Variants in FLNB observed in about 807,000 individuals in gnomAD.
FLNB encodes filamin-B.
FLNB carries 111 observed loss-of-function variants against 250.6 expected under a neutral mutation model. The observed-to-expected ratio is 0.44, with a 90% CI of 0.38 to 0.52. The LOEUF (loss-of-function observed/expected upper bound fraction) is 0.52. Among genes scored for constraint, FLNB ranks in the 20% least tolerant of loss-of-function variants. The pLI, the probability that FLNB is intolerant of heterozygous loss-of-function variation, is 0.00. For missense variants in FLNB, 2,869 were observed against 3,447.8 expected, an observed-to-expected ratio of 0.83 and a Z score of 4.20; for synonymous variants, 1,302 against 1,372.1, an observed-to-expected ratio of 0.95 and a Z score of 1.13.
At chr3:58,118,194 G>T (rs188343097) in intron 18 of FLNB, among the ~76,000 whole-genome samples, 1 of 152,342 alleles carries the variant, frequency 6.6e-6, no homozygotes, top group Non-Finnish European at 1.5e-5. Flanking sequence ...AATCCTGCAA[G>T]CACCATCTGC....
rs999742406 is a variant in FLNB, at chr3:58,106,689, T to C, written c.1757T>C (p.Ile586Thr). Reference sequence around the variant, plus strand: ...CACCTCCACCCCCTAGGGTTTGCCATTGAAGGCCCCTCTCAGGCAAAGATT... The same window carrying C: ...CACCTCCACCCCCTAGGGTTTGCCACTGAAGGCCCCTCTCAGGCAAAGATT... Reference protein sequence around the residue: ...GSEVGSLGFAIEGPSQAKIEY... With the variant: ...GSEVGSLGFATEGPSQAKIEY... Residue 586 changes from isoleucine to threonine, a missense_variant, in exon 12 of 46, where the codon ATT becomes ACT. By Grantham distance (89) the Ile-to-Thr change is moderately conservative. Transcript: ENST00000295956. 6.2e-7 allele frequency: 1 copy of C among 1,614,130 alleles called. No homozygotes were observed.
rs781073886 is a variant in FLNB at position 58,121,236 on chromosome 3, T to C, written c.2864-5T>C. 6 of 1,614,190 alleles carry C rather than the reference T, an allele frequency of 3.7e-6. No homozygotes were observed. The highest frequency in any genetic ancestry group is 3.3e-5 in the South Asian group (3 of 91,076). On this transcript the variant is annotated splice_polypyrimidine_tract_variant and splice_region_variant and intron_variant, in intron 19 of 45. Transcript: ENST00000295956. ...TCTTCACCTCAGCTTGTGTTTCTTT[T>C]CCAGGGGTGGAAGTTGGGAAGGATC...
intron 1 of FLNB, among the ~76,000 whole-genome samples, chr3:58,032,040 C>T (rs969098547): frequency 2.6e-5 from 4 of 152,054 alleles, no homozygotes; most frequent in Non-Finnish European, 5.9e-5. Flanking sequence ...GCCATCCTCC[C>T]ACTTCAGCCT....
intron 32 of FLNB, among the ~76,000 whole-genome samples, chr3:58,144,759 C>T (rs551764975): frequency 1.3e-5 from 2 of 152,226 alleles, no homozygotes; most frequent in Non-Finnish European, 2.9e-5. Context: ...CAAAATTTGC[C>T]AGTAGAATAT....
chr3:58,099,491 T>G (rs911217788), intron 8 of FLNB, among the ~76,000 whole-genome samples: 2 of 152,230 alleles, frequency 1.3e-5, no homozygotes, highest in Non-Finnish European at 2.9e-5. Context: ...GGGGTACGCA[T>G]TTTTCTCAAA....
chr3:58,027,304 C>A (rs1344691020), intron 1 of FLNB, among the ~76,000 whole-genome samples: 1 of 141,754 alleles, frequency 7.1e-6, no homozygotes, highest in East Asian at 2.1e-4. Context: ...AGGCGTGCAC[C>A]ACTATGCCCA....
At position 58,142,532 on chromosome 3, in the gene FLNB, G is replaced by A. The variant is rs934891768; in HGVS notation, c.5182-118G>A. On this transcript the variant is annotated intron_variant, in intron 30 of 45. Transcript: ENST00000295956. This position sits in a 1 kb window ranked among gnomAD's most constrained non-coding sequence, Gnocchi z 4.3. ...AAAGCCCATACCACAATGGGCAGCCGCATTCCCAAATCCCGGCCTCACTGG... is the reference window on the plus strand; with the variant it reads ...AAAGCCCATACCACAATGGGCAGCCACATTCCCAAATCCCGGCCTCACTGG... 2.3e-5 allele frequency: 20 copies of A among 852,624 alleles called. No homozygotes were observed. Among genetic ancestry groups the A allele is most frequent in the Middle Eastern group, 3.3e-4 (1 of 3,032 alleles). The allele number at this position is 852,624 out of a possible 1,614,324, so 52.8% of individuals were successfully genotyped here. A position where few individuals can be genotyped will look rare whatever the true frequency, so the allele number is the denominator to read the frequency against.
chr3:58,057,704 G>GT (rs574041459), intron 1 of FLNB, among the ~76,000 whole-genome samples: 61 of 152,310 alleles, frequency 4.0e-4, no homozygotes, highest in Middle Eastern at 3.4e-3. Flanking sequence ...GTAATTATTT[G>GT]TTGATTAGTG....
intron 1 of FLNB, among the ~76,000 whole-genome samples, chr3:58,023,640 T>C (rs748810818): frequency 6.6e-6 from 1 of 152,220 alleles, no homozygotes; most frequent in Non-Finnish European, 1.5e-5. Context: ...ATTTTGGTCA[T>C]ACTGATGGTT....
At chr3:58,088,056 T>C (rs906436838) in intron 4 of FLNB, among the ~76,000 whole-genome samples, 3 of 148,850 alleles carry the variant, frequency 2.0e-5, no homozygotes, top group Admixed American at 1.3e-4. Flanking sequence ...TTTTTTTTTT[T>C]TTTTGCTGAA....
At chr3:58,147,398 G>A (rs1205106188) in intron 34 of FLNB, among the ~76,000 whole-genome samples, 1 of 152,224 alleles carries the variant, frequency 6.6e-6, no homozygotes, top group Non-Finnish European at 1.5e-5. Context: ...TGGCAAGGTA[G>A]TGGTGTAGCC....
At chr3:58,020,498 G>T (rs952243743) in intron 1 of FLNB, among the ~76,000 whole-genome samples, 6 of 152,204 alleles carry the variant, frequency 3.9e-5, no homozygotes, top group Admixed American at 2.6e-4. Flanking sequence ...CCCATTCAGG[G>T]CTCAGCCTCC....
At chr3:58,094,104 C>CT (rs1293793929) in intron 4 of FLNB, among the ~76,000 whole-genome samples, 1 of 152,214 alleles carries the variant, frequency 6.6e-6, no homozygotes. Context: ...ACTGGGGAAA[C>CT]TATTTTGAGA....
intron 20 of FLNB, among the ~76,000 whole-genome samples, chr3:58,122,694 T>C (rs903747894): frequency 2.6e-5 from 4 of 152,146 alleles, no homozygotes; most frequent in African/African-American, 9.7e-5. Context: ...TTGAGCAAAT[T>C]GCAACAGCCC....
chr3:58,132,314 A>C, intron 25 of FLNB: 2 of 438,614 alleles, frequency 4.6e-6, no homozygotes, highest in Admixed American at 3.7e-5. Flanking sequence ...CCCTGCACCT[A>C]TGCCCCAGCA....
intron 1 of FLNB, among the ~76,000 whole-genome samples, chr3:58,048,977 A>C (rs564439838): frequency 6.6e-6 from 1 of 152,358 alleles, no homozygotes; most frequent in East Asian, 1.9e-4. Context: ...AGGAAATCCT[A>C]TAGGCCAAAT....
intron 25 of FLNB, chr3:58,132,092 T>A (rs959992054): frequency 1.2e-5 from 12 of 963,144 alleles, no homozygotes; most frequent in Non-Finnish European, 1.6e-5. Context: ...TAAAATTGCT[T>A]ACACCTGCCT....
At chr3:58,113,554 C>T (rs2097272648) in intron 18 of FLNB, among the ~76,000 whole-genome samples, 1 of 152,204 alleles carries the variant, frequency 6.6e-6, no homozygotes, top group Non-Finnish European at 1.5e-5. Context: ...GGAATCCTTA[C>T]TGTGAGAACA....
intron 41 of FLNB, among the ~76,000 whole-genome samples, chr3:58,158,670 G>A (rs2097356863): frequency 6.6e-6 from 1 of 152,186 alleles, no homozygotes; most frequent in African/African-American, 2.4e-5. Context: ...TATCTCAAAT[G>A]TTGTTGCTCA....
Sources: gnomAD v4.1 joint callset for allele counts (sites outside exome capture counted in the v4.1 genomes callset) on GRCh38, gnomAD v4.1.1 for gene constraint, Gnocchi (gnomAD v3.1) non-coding constraint, MANE v1.5 for transcripts, NCBI Gene and HGNC (gene_info 2026-07-23, HGNC 2026-07-21) for gene names.